Variants in ALX4 observed in about 807,000 individuals in gnomAD.
ALX4 encodes homeobox protein aristaless-like 4.
A neutral mutation model predicts 40.6 loss-of-function variants in ALX4; 22 were observed. The observed-to-expected ratio is 0.54, with a 90% CI of 0.39 to 0.77. The LOEUF (loss-of-function observed/expected upper bound fraction) is 0.77, where lower values mean the gene tolerates loss of function less well. ALX4 is among the 30% of genes least tolerant of loss of function. ALX4 has a pLI of 0.00. For synonymous variants in ALX4, 266 were observed against 240.5 expected (o/e 1.11, Z -0.98); for missense variants, 556 against 564.8 (o/e 0.98, Z 0.16).
chr11:44,304,632 A>G (rs557053743), intron 1 of ALX4, among the ~76,000 whole-genome samples: 1 of 152,312 alleles, frequency 6.6e-6, no homozygotes, highest in African/African-American at 2.4e-5. Context: ...CCGGACGTCA[A>G]CAACCTCTCA....
At position 44,302,649 on chromosome 11, in the gene ALX4, T is replaced by C. The variant is rs1177811180; in HGVS notation, c.466+6948A>G. On this transcript the variant is annotated intron_variant, in intron 1 of 3. Coordinates refer to ENST00000652299, the MANE Select transcript of ALX4 (RefSeq NM_021926.4). ...TGAGCCCGGGGCCTCAGCTTGAGCC[T>C]GGTCACAAAGACACTTGCTTACCCC... Among the ~76,000 whole-genome samples, 10 of 144,576 alleles carry C rather than the reference T, an allele frequency of 6.9e-5. No homozygotes were observed. In the East Asian group the frequency reaches 1.5e-3, roughly 22 times the overall value. 94.8% of individuals were successfully genotyped at this position (144,576 alleles called of 152,430 possible). A position where few individuals can be genotyped will look rare whatever the true frequency, so the allele number is the denominator to read the frequency against.
intron 1 of ALX4, among the ~76,000 whole-genome samples, chr11:44,285,868 T>C (rs1156833371): frequency 2.6e-5 from 4 of 152,192 alleles, no homozygotes; most frequent in South Asian, 2.1e-4. Context: ...GCTCCCTCCC[T>C]AGACTGTGAG....
chr11:44,281,525 C>T (rs1438348659), intron 1 of ALX4, among the ~76,000 whole-genome samples: 1 of 151,920 alleles, frequency 6.6e-6, no homozygotes, highest in Non-Finnish European at 1.5e-5. Context: ...GGGGACATGC[C>T]GCTTGCTCTG....
intron 1 of ALX4, among the ~76,000 whole-genome samples, chr11:44,293,681 C>T (rs1195061430): frequency 6.6e-6 from 1 of 152,248 alleles, no homozygotes; most frequent in Non-Finnish European, 1.5e-5. Flanking sequence ...CCTGAGGAGG[C>T]CTGGCCCTCA....
Position 44,261,634 on chromosome 11 carries a change from C to T in ALX4, c.*3220G>A, listed in dbSNP as rs1956182984. On this transcript the variant is annotated 3_prime_UTR_variant, in exon 4 of 4. Coordinates refer to ENST00000652299, the MANE Select transcript of ALX4 (RefSeq NM_021926.4). The stretch of plus-strand genomic sequence containing the variant: ...AGGAGTAGTGCTGGCATCTGGAGGG[C>T]AGTAGCAGCACCTTAGTGTCAAGCC... 6.6e-6 allele frequency: 1 copy of T among 152,222 alleles called. No individual in the cohort carries two copies. Among genetic ancestry groups the T allele is most frequent in the Non-Finnish European group, 1.5e-5 (1 of 68,052 alleles). 9.4% of individuals were successfully genotyped at this position (152,222 alleles called of 1,614,324 possible).
At chr11:44,292,377 ATTTTTTTT>A (rs67510206) in intron 1 of ALX4, among the ~76,000 whole-genome samples, 7 of 93,114 alleles carry the variant, frequency 7.5e-5, no homozygotes, top group Admixed American at 1.3e-4. Flanking sequence ...GGCTAATTAA[ATTTTTTTT>A]TTTTTTTTTT....
At chr11:44,278,154 C>T (rs1956288766) in intron 1 of ALX4, among the ~76,000 whole-genome samples, 1 of 152,094 alleles carries the variant, frequency 6.6e-6, no homozygotes, top group Non-Finnish European at 1.5e-5. Context: ...CATCTCACAG[C>T]CCCATAGACG....
In ALX4 at chr11:44,272,342, A is replaced by G. The variant is rs183794511; in HGVS notation, c.777+3006T>C. Among the ~76,000 whole-genome samples the G allele has an allele frequency of 2.5e-3, 372 of 151,608 alleles. 1 individual carries two copies. Among genetic ancestry groups the G allele is most frequent in the African/African-American group, 8.5e-3 (347 of 41,060 alleles). On this transcript the variant is annotated intron_variant, in intron 2 of 3. Coordinates refer to ENST00000652299, the MANE Select transcript of ALX4 (RefSeq NM_021926.4). ...AACATGGTGAAACCCCATCTCTATT[A>G]AATATACAAAAATTAGCCGGGTGTG...
intron 2 of ALX4, among the ~76,000 whole-genome samples, chr11:44,271,932 A>G (rs529082807): frequency 1.0e-3 from 152 of 152,326 alleles, no homozygotes; most frequent in Non-Finnish European, 1.1e-3. Context: ...ACAGAAAAGG[A>G]ACAGGTTTAT....
chr11:44,273,081 A>G (rs1174902234), intron 2 of ALX4, among the ~76,000 whole-genome samples: 2 of 151,916 alleles, frequency 1.3e-5, no homozygotes, highest in Non-Finnish European at 2.9e-5. Context: ...AGATGCTTTC[A>G]TGAGTTAATT....
At chr11:44,279,407 G>A (rs1343380776) in intron 1 of ALX4, among the ~76,000 whole-genome samples, 1 of 152,210 alleles carries the variant, frequency 6.6e-6, no homozygotes, top group Non-Finnish European at 1.5e-5. Context: ...GGGATGATAT[G>A]AGGAGTGGGG....
chr11:44,287,186 A>G (rs1005049251), intron 1 of ALX4, among the ~76,000 whole-genome samples: 2 of 152,196 alleles, frequency 1.3e-5, no homozygotes, highest in Admixed American at 1.3e-4. Flanking sequence ...TCTTCCTGCA[A>G]TGGCAGGGGT....
rs1217322565 is a variant in ALX4, at chr11:44,268,362, G to T, written c.778-740C>A. Among the ~76,000 whole-genome samples, 6 of 152,194 alleles carry T rather than the reference G, an allele frequency of 3.9e-5. 1 individual carries two copies. Among genetic ancestry groups the T allele is most frequent in the African/African-American group, 1.2e-4 (5 of 41,442 alleles). Reference sequence around the variant, plus strand: ...GGAGAGAAAGAAACAGAGTCAGATCGCAGGGGGCCTTGACTGCCAAGTGAA... The same window carrying T: ...GGAGAGAAAGAAACAGAGTCAGATCTCAGGGGGCCTTGACTGCCAAGTGAA... On this transcript the variant is annotated intron_variant, in intron 2 of 3. Transcript: ENST00000652299.
chr11:44,294,209 G>T (rs780816932), intron 1 of ALX4, among the ~76,000 whole-genome samples: 21 of 152,232 alleles, frequency 1.4e-4, no homozygotes, highest in Non-Finnish European at 2.5e-4. Context: ...ATATCTCCCA[G>T]TGGGTTTCCA....
At chr11:44,290,111 T>C (rs560507701) in intron 1 of ALX4, among the ~76,000 whole-genome samples, 2 of 152,296 alleles carry the variant, frequency 1.3e-5, no homozygotes, top group South Asian at 4.1e-4. Flanking sequence ...ATTGTCCCTC[T>C]CAAGCCCCCT....
Position 44,275,480 on chromosome 11 carries a change from C to T in ALX4, c.645G>A (p.Arg215=). ...AGCTGGTGAAGGTGGTCCGGTTCCG[C>T]CGCTTCTTGCCCTTGTTGCTCTCTG... ...ADSESNKGKK[R]RNRTTFTSYQ... is the part of the protein sequence containing the mutation. Residue 215 remains arginine (R), a synonymous_variant, in exon 2 of 4, where the codon CGG becomes CGA. Transcript: ENST00000652299. 6.2e-7 allele frequency: 1 copy of T among 1,614,044 alleles called. No individual in the cohort carries two copies. Among genetic ancestry groups the T allele is most frequent in the South Asian group, 1.1e-5 (1 of 91,078 alleles).
Position 44,309,664 on chromosome 11 carries a change from CG to C in ALX4, c.398del (p.Pro133ArgfsTer48), listed in dbSNP as rs1085307637. On this transcript the variant is annotated frameshift_variant, in exon 1 of 4. Transcript: ENST00000652299. LOFTEE classifies it high-confidence loss of function. ...YLQRGACKTPPDGSLKLQEGS... is the reference protein window; with the variant it reads ...YLQRGACKTPXDGSLKLQEGS... The stretch of plus-strand genomic sequence containing the variant: ...CTTCCTGGAGTTTGAGGCTGCCGTC[CG>C]GGGGCGTCTTGCAGGCGCCTCGCTG... 1.3e-6 allele frequency: 2 copies of C among 1,592,386 alleles called. No homozygotes were observed. Among genetic ancestry groups the C allele is most frequent in the Non-Finnish European group, 1.7e-6 (2 of 1,174,280 alleles).
chr11:44,296,669 CA>C (rs931880627), intron 1 of ALX4, among the ~76,000 whole-genome samples: 2 of 152,154 alleles, frequency 1.3e-5, no homozygotes, highest in African/African-American at 4.8e-5. Context: ...AGGAGATACA[CA>C]AATGGCCAGA....
chr11:44,291,465 G>A (rs1051215287), intron 1 of ALX4, among the ~76,000 whole-genome samples: 1 of 150,914 alleles, frequency 6.6e-6, no homozygotes, highest in African/African-American at 2.4e-5. Context: ...CTGAAGTGCA[G>A]TGGTGCGATC....
Sources: gnomAD v4.1 joint callset for allele counts (sites outside exome capture counted in the v4.1 genomes callset) on GRCh38, gnomAD v4.1.1 for gene constraint, MANE v1.5 for transcripts, NCBI Gene and HGNC (gene_info 2026-07-23, HGNC 2026-07-21) for gene names.